Variants in CACNA2D3 observed in about 807,000 individuals in gnomAD.
The protein encoded by CACNA2D3 is voltage-dependent calcium channel subunit alpha-2/delta-3.
CACNA2D3 carries 60 observed loss-of-function variants against 160.6 expected under a neutral mutation model. That is an observed-to-expected ratio of 0.37 (90% CI 0.30 to 0.46). The LOEUF (loss-of-function observed/expected upper bound fraction) is 0.46. Among genes scored for constraint, CACNA2D3 ranks in the 20% least tolerant of loss-of-function variants. The pLI is 1.00. For synonymous variants in CACNA2D3, 558 were observed against 492.9 expected (o/e 1.13, Z -1.75); for missense variants, 1,205 against 1,365.0 (o/e 0.88, Z 1.85).
chr3:54,691,278 T>G (rs1282561604), intron 11 of CACNA2D3, among the ~76,000 whole-genome samples: 1 of 152,178 alleles, frequency 6.6e-6, no homozygotes, highest in Non-Finnish European at 1.5e-5. Context: ...TGGCCCTACA[T>G]TGCACTGACT....
chr3:54,368,397 G>A (rs1015903629), intron 3 of CACNA2D3, among the ~76,000 whole-genome samples: 2 of 152,138 alleles, frequency 1.3e-5, no homozygotes, highest in Admixed American at 6.5e-5. Flanking sequence ...TTCAAAGGGA[G>A]ATCTTACTAG....
chr3:54,400,921 C>G (rs946598904), intron 4 of CACNA2D3, among the ~76,000 whole-genome samples: 1 of 151,792 alleles, frequency 6.6e-6, no homozygotes, highest in East Asian at 1.9e-4. Flanking sequence ...TATGAATTTT[C>G]TAAAAAGGAA....
chr3:54,468,416 C>T (rs1280157519), intron 4 of CACNA2D3, among the ~76,000 whole-genome samples: 1 of 152,200 alleles, frequency 6.6e-6, no homozygotes, highest in Non-Finnish European at 1.5e-5. Flanking sequence ...CTATGCTTTT[C>T]CCACAGTCTT....
At chr3:55,033,962 C>T (rs1473012234) in intron 35 of CACNA2D3, among the ~76,000 whole-genome samples, 3 of 146,586 alleles carry the variant, frequency 2.0e-5, no homozygotes, top group Admixed American at 1.4e-4. Context: ...GGAATGTTTT[C>T]ATTTAATCCA....
At chr3:54,447,522 T>C (rs958704009) in intron 4 of CACNA2D3, among the ~76,000 whole-genome samples, 3 of 152,228 alleles carry the variant, frequency 2.0e-5, no homozygotes, top group East Asian at 3.9e-4. Flanking sequence ...AGTGGTCTCA[T>C]GTGATGTGGC....
intron 13 of CACNA2D3, among the ~76,000 whole-genome samples, chr3:54,790,700 C>T (rs527506932): frequency 1.3e-5 from 2 of 152,234 alleles, no homozygotes; most frequent in African/African-American, 4.8e-5. Context: ...TAGAGCCCAC[C>T]TTCCAAGTTC....
intron 11 of CACNA2D3, among the ~76,000 whole-genome samples, chr3:54,735,138 A>G (rs1701470861): frequency 6.6e-6 from 1 of 152,250 alleles, no homozygotes. Flanking sequence ...ATGAATTTAC[A>G]CATTTCCTGG....
chr3:54,203,169 G>C (rs527436140), intron 2 of CACNA2D3, among the ~76,000 whole-genome samples: 29 of 152,288 alleles, frequency 1.9e-4, no homozygotes, highest in African/African-American at 6.5e-4. Flanking sequence ...AAAGTAGATG[G>C]CTCTCCCCAA....
intron 11 of CACNA2D3, among the ~76,000 whole-genome samples, chr3:54,722,509 C>T (rs1056850340): frequency 3.9e-5 from 6 of 152,178 alleles, no homozygotes; most frequent in African/African-American, 1.4e-4. Context: ...TTGGAATTTT[C>T]AGCCTTTTTG....
chr3:54,125,332 G>A (rs994691001), intron 2 of CACNA2D3, among the ~76,000 whole-genome samples: 4 of 151,648 alleles, frequency 2.6e-5, no homozygotes, highest in Non-Finnish European at 5.9e-5. Context: ...ATTGGAAAAG[G>A]CTGAAATGCT....
rs116730994 is a variant in CACNA2D3 at position 54,926,046 on chromosome 3, G to A, written c.2449+26178G>A. 2.8e-3 allele frequency among the ~76,000 whole-genome samples: 424 copies of A among 152,164 alleles called. 1 individual carries two copies. Among genetic ancestry groups the A allele is most frequent in the African/African-American group, 9.8e-3 (408 of 41,554 alleles). ...CTTGATTCTTTTTTCTTTCAACTCA[G>A]AAGAGCAATGCATTACTTATGCAGT... On this transcript the variant is annotated intron_variant, in intron 27 of 37. Coordinates refer to ENST00000474759, the MANE Select transcript of CACNA2D3 (RefSeq NM_018398.3).
chr3:54,729,286 C>T (rs1701338902), intron 11 of CACNA2D3, among the ~76,000 whole-genome samples: 1 of 152,180 alleles, frequency 6.6e-6, no homozygotes, highest in Non-Finnish European at 1.5e-5. Flanking sequence ...TAGGTCTTTA[C>T]TCCTTGTAAT....
chr3:54,864,248 C>A (rs1364040234), intron 17 of CACNA2D3, among the ~76,000 whole-genome samples: 1 of 151,996 alleles, frequency 6.6e-6, no homozygotes, highest in African/African-American at 2.4e-5. Context: ...GCTTAACTCA[C>A]TGCAGCCACT....
chr3:54,422,084 G>C (rs947864140), intron 4 of CACNA2D3, among the ~76,000 whole-genome samples: 5 of 152,202 alleles, frequency 3.3e-5, no homozygotes, highest in African/African-American at 7.2e-5. Flanking sequence ...TCTAATTGTA[G>C]TGTCTGCATG....
intron 21 of CACNA2D3, among the ~76,000 whole-genome samples, chr3:54,883,055 C>T (rs1204656588): frequency 6.6e-6 from 1 of 152,114 alleles, no homozygotes; most frequent in Non-Finnish European, 1.5e-5. Flanking sequence ...GAGTCTTGCT[C>T]TGTTGCTGAG....
At chr3:54,351,580 A>G (rs1698566184) in intron 3 of CACNA2D3, among the ~76,000 whole-genome samples, 1 of 152,210 alleles carries the variant, frequency 6.6e-6, no homozygotes, top group Admixed American at 6.5e-5. Flanking sequence ...AGCAGTTTAT[A>G]TGGTTCCATT....
At chr3:54,961,338 T>A (rs951374453) in intron 27 of CACNA2D3, among the ~76,000 whole-genome samples, 16 of 152,212 alleles carry the variant, frequency 1.1e-4, no homozygotes, top group African/African-American at 3.6e-4. Context: ...GGATGAGCAT[T>A]TATCTGTACA....
chr3:55,017,743 A>C (rs1703357929), intron 34 of CACNA2D3, among the ~76,000 whole-genome samples: 1 of 152,214 alleles, frequency 6.6e-6, no homozygotes, highest in Non-Finnish European at 1.5e-5. Flanking sequence ...GATTTGGTTC[A>C]TGGCTGTGCT....
chr3:54,654,505 G>A (rs142537063), intron 11 of CACNA2D3, among the ~76,000 whole-genome samples: 56 of 152,226 alleles, frequency 3.7e-4, no homozygotes, highest in Non-Finnish European at 6.2e-4. Flanking sequence ...AGGTTTTCTT[G>A]GAAGTAGCAA....
Sources: allele counts gnomAD v4.1 joint callset (sites outside exome capture counted in the v4.1 genomes callset), GRCh38; gene constraint gnomAD v4.1.1; transcripts MANE v1.5; gene names NCBI Gene and HGNC (gene_info 2026-07-23, HGNC 2026-07-21).